The following PZP variants were observed in gnomAD, a reference collection of about 807,000 sequenced individuals.
PZP encodes the protein PZP alpha-2-macroglobulin like.
In PZP, 150 loss-of-function variants were observed where a neutral mutation model predicts 179.8. That is an observed-to-expected ratio of 0.83 (90% CI 0.73 to 0.96). PZP has a LOEUF of 0.96. Among genes scored for constraint, PZP ranks in the 40% least tolerant of loss-of-function variants. The pLI is 0.00. For synonymous variants in PZP, 624 were observed against 652.3 expected (o/e 0.96, Z 0.66); for missense variants, 1,689 against 1,764.0 (o/e 0.96, Z 0.76).
intron 14 of PZP, 39 bp downstream of exon 14, chr12:9,181,936 T>C (rs754174884): frequency 2.5e-6 from 4 of 1,600,998 alleles, no homozygotes; most frequent in Non-Finnish European, 2.6e-6. Context: ...TACAGTATCA[T>C]TTATTTGTGT....
intron 13 of PZP, 103 bp from the exon 14 acceptor site, chr12:9,182,220 A>C: frequency 9.0e-7 from 1 of 1,115,248 alleles, no homozygotes; most frequent in Non-Finnish European, 1.2e-6. Context: ...CCACTTGAGA[A>C]CTGCGTCCAT....
chr12:9,145,534 T>G (rs1007936359), downstream of PZP, among the ~76,000 whole-genome samples: 1 of 152,240 alleles, frequency 6.6e-6, no homozygotes, highest in African/African-American at 2.4e-5. Context: ...TTGTTATTTT[T>G]AATACTTTTC....
intron 7 of PZP, 133 bp downstream of exon 7, chr12:9,200,231 G>C: frequency 1.9e-6 from 1 of 521,832 alleles, no homozygotes; most frequent in South Asian, 3.8e-5. Context: ...ATAGTAAGTC[G>C]TTAAATAAAG....
chr12:9,149,025 G>C (rs1246012892), intron 35 of PZP, 31 bp from the exon 36 acceptor site: 1 of 1,601,500 alleles, frequency 6.2e-7, no homozygotes, highest in Non-Finnish European at 8.6e-7. Context: ...TAAGGAGGTT[G>C]TATCATTTCC....
intron 15 of PZP, among the ~76,000 whole-genome samples, chr12:9,176,774 G>T (rs1942394851): frequency 6.6e-6 from 1 of 152,158 alleles, no homozygotes; most frequent in Admixed American, 6.5e-5. Flanking sequence ...TTTTGAACAG[G>T]AGTGTCAATA....
chr12:9,157,735 A>G (rs901507715), intron 27 of PZP, 32 bp downstream of exon 27: 10 of 1,584,842 alleles, frequency 6.3e-6, no homozygotes, highest in Non-Finnish European at 8.7e-6. Flanking sequence ...TACAGTTTTC[A>G]TGGTAGGGAA....
chr12:9,160,893 C>T (rs1282216871), intron 23 of PZP, 140 bp downstream of exon 23: 9 of 739,300 alleles, frequency 1.2e-5, no homozygotes, highest in Admixed American at 1.2e-4. Flanking sequence ...CCAGCCTGGG[C>T]GACAGAGCGA....
At chr12:9,201,369 GAGATGTGATT>G (rs751550474) in intron 4 of PZP, 22 bp from the exon 5 acceptor site, 1 of 1,547,716 alleles carries the variant, frequency 6.5e-7, no homozygotes, top group South Asian at 1.1e-5. Flanking sequence ...AAGGAAAGAA[GAGATGTGATT>G]AGAATTCCAG....
At chr12:9,156,757 G>T (rs964526155) in intron 28 of PZP, among the ~76,000 whole-genome samples, 1 of 152,100 alleles carries the variant, frequency 6.6e-6, no homozygotes, top group East Asian at 1.9e-4. Flanking sequence ...GTATGACTTG[G>T]CTAAGGAATT....
rs936580127 is a variant in PZP, at chr12:9,200,298, G to T, written c.755+66C>A. On this transcript the variant is annotated intron_variant, in intron 7 of 35. Coordinates refer to ENST00000261336, the MANE Select transcript of PZP (RefSeq NM_002864.3). ...TGAGGCAAAGTAAATTTATAATTTTGTACCTACATAATCCCTCAAAATTGA... is the reference window on the plus strand; with the variant it reads ...TGAGGCAAAGTAAATTTATAATTTTTTACCTACATAATCCCTCAAAATTGA... The T allele has an allele frequency of 8.1e-5, 87 of 1,072,024 alleles. 1 individual carries two copies. In the East Asian group the frequency reaches 2.1e-3, roughly 26 times the overall value. 66.4% of individuals were successfully genotyped at this position (1,072,024 alleles called of 1,614,324 possible).
At chr12:9,163,116 G>A (rs1465019685) in intron 21 of PZP, among the ~76,000 whole-genome samples, 1 of 151,758 alleles carries the variant, frequency 6.6e-6, no homozygotes, top group Non-Finnish European at 1.5e-5. Flanking sequence ...AGATAATAAG[G>A]GCAGTAAATC....
At chr12:9,141,019 T>C in the PZP span, among the ~76,000 whole-genome samples, 8 of 152,214 alleles carry the variant, frequency 5.3e-5, no homozygotes, top group Non-Finnish European at 1.0e-4. Flanking sequence ...GTAAAAAAGA[T>C]TACTTCAGTC....
chr12:9,172,997 T>C (rs1369331385), intron 15 of PZP, among the ~76,000 whole-genome samples: 1 of 152,160 alleles, frequency 6.6e-6, no homozygotes, highest in Non-Finnish European at 1.5e-5. Context: ...TCTACAGAAC[T>C]CTCCACCAAA....
rs775099922 is a variant in PZP at position 9,165,249 on chromosome 12, G to T, written c.2377C>A (p.Arg793=). The change falls in exon 19 of 36, where the codon CGA becomes AGA. Residue 793 remains arginine, a synonymous_variant. Coordinates refer to ENST00000261336, the MANE Select transcript of PZP (RefSeq NM_002864.3). ...GLGISSTASL[R]AFQPFFVELT... is the part of the protein sequence containing the mutation. The stretch of plus-strand genomic sequence containing the variant: ...TCCACAAAGAAGGGCTGGAAGGCTC[G>T]GAGAGAGGCAGTGGAAGAGATACCA... The T allele has an allele frequency of 1.9e-6, 3 of 1,614,030 alleles. No individual in the cohort carries two copies. Among genetic ancestry groups the T allele is most frequent in the Non-Finnish European group, 2.5e-6 (3 of 1,180,036 alleles).
At chr12:9,138,161 A>G in the PZP span, among the ~76,000 whole-genome samples, 10 of 152,062 alleles carry the variant, frequency 6.6e-5, no homozygotes, top group Non-Finnish European at 1.5e-4. Flanking sequence ...GGCCTTTCAT[A>G]TATAGCCTGT....
chr12:9,160,534 T>C (rs1565629038), intron 23 of PZP, 44 bp from the exon 24 acceptor site: 1 of 1,570,568 alleles, frequency 6.4e-7, no homozygotes, highest in African/African-American at 1.4e-5. Flanking sequence ...TTTCAGTTCA[T>C]AAATAGCCAA....
At chr12:9,167,078 C>G (rs1038265461) in intron 17 of PZP, 1 of 152,188 alleles carries the variant, frequency 6.6e-6, no homozygotes, top group African/African-American at 2.4e-5. Flanking sequence ...ACACCTTGCC[C>G]CATGTCCTTC....
At chr12:9,139,028 T>C in the PZP span, among the ~76,000 whole-genome samples, 1 of 152,086 alleles carries the variant, frequency 6.6e-6, no homozygotes, top group Non-Finnish European at 1.5e-5. Flanking sequence ...GGGTTGATTA[T>C]TTTAGATCTT....
chr12:9,160,589 G>T, intron 23 of PZP, 99 bp from the exon 24 acceptor site: 1 of 1,132,962 alleles, frequency 8.8e-7, no homozygotes, highest in Non-Finnish European at 1.3e-6. Context: ...CTATCATTTA[G>T]GTAAGAGAAA....
Sources: allele counts gnomAD v4.1 joint callset (sites outside exome capture counted in the v4.1 genomes callset), GRCh38; gene constraint gnomAD v4.1.1; transcripts MANE v1.5; gene names NCBI Gene and HGNC (gene_info 2026-07-23, HGNC 2026-07-21).